Variants in DENND4A observed in about 807,000 individuals in gnomAD.
DENND4A encodes the protein DENN domain containing 4A.
A neutral mutation model predicts 199.3 loss-of-function variants in DENND4A; 70 were observed. The observed-to-expected ratio is 0.35, with a 90% CI of 0.29 to 0.43. The LOEUF (loss-of-function observed/expected upper bound fraction) is 0.43, where lower values mean the gene tolerates loss of function less well. DENND4A is among the 20% of genes least tolerant of loss of function. The probability of loss-of-function intolerance (pLI) is 1.00; values close to 1 mark genes in which losing one functional copy is unlikely to be tolerated. For missense variants in DENND4A, 1,723 were observed against 2,255.8 expected (o/e 0.76, Z 4.78); for synonymous variants, 686 against 766.9 (o/e 0.89, Z 1.74).
At chr15:65,732,178 T>C (rs370811375) in intron 8 of DENND4A, among the ~76,000 whole-genome samples, 7 of 152,228 alleles carry the variant, frequency 4.6e-5, no homozygotes, top group East Asian at 1.9e-4. Flanking sequence ...CTAAAATATT[T>C]AGTGTATGAC....
rs772471946 is a variant in DENND4A at position 65,756,353 on chromosome 15, T to A, written c.98A>T (p.Asp33Val). ...KPLEEEIHFNDACHKVAKPKE... is the reference protein window; with the variant it reads ...KPLEEEIHFNVACHKVAKPKE... Reference sequence around the variant, plus strand: ...TGGTTTAGCTACTTTATGACAAGCATCATTGAAGTGAATTTCTTCTTCTAG... The same window carrying A: ...TGGTTTAGCTACTTTATGACAAGCAACATTGAAGTGAATTTCTTCTTCTAG... The change falls in exon 3 of 33, where the codon GAT becomes GTT. Residue 33 changes from aspartate to valine, a missense_variant. By Grantham distance (152) the Asp-to-Val change is radical. Coordinates refer to ENST00000443035, the MANE Select transcript of DENND4A (RefSeq NM_001320835.1). The A allele has an allele frequency of 6.2e-7, 1 of 1,613,976 alleles. No homozygotes were observed.
intron 1 of DENND4A, among the ~76,000 whole-genome samples, chr15:65,777,971 C>T (rs1431211657): frequency 6.6e-6 from 1 of 151,724 alleles, no homozygotes; most frequent in Non-Finnish European, 1.5e-5. Flanking sequence ...AGGCAGAGGT[C>T]GCAGTGAGCT....
At chr15:65,775,388 C>A (rs1302333329) in intron 1 of DENND4A, among the ~76,000 whole-genome samples, 1 of 150,784 alleles carries the variant, frequency 6.6e-6, no homozygotes, top group African/African-American at 2.4e-5. Flanking sequence ...CGTCTGTAAT[C>A]CCAGCACTTT....
chr15:65,736,394 A>T (rs533691808), intron 7 of DENND4A, among the ~76,000 whole-genome samples: 1 of 151,598 alleles, frequency 6.6e-6, no homozygotes, highest in Admixed American at 6.6e-5. Flanking sequence ...AGAGTAGATG[A>T]GATTACAGGT....
Position 65,741,801 on chromosome 15 carries a change from A to G in DENND4A, c.562-17T>C, listed in dbSNP as rs1416810903. 6.3e-7 allele frequency: 1 copy of G among 1,593,510 alleles called. No individual in the cohort carries two copies. The highest frequency in any genetic ancestry group is 8.6e-7 in the Non-Finnish European group (1 of 1,164,630). On this transcript the variant is annotated splice_polypyrimidine_tract_variant and intron_variant, in intron 4 of 32. Coordinates refer to ENST00000443035, the MANE Select transcript of DENND4A (RefSeq NM_001320835.1). ...TGATCCCCACTGGATTTAAAAAAAT[A>G]GAAATATCATTTAATTTTTAAAAGG...
At chr15:65,694,998 AAAAT>A (rs2077095171) in intron 22 of DENND4A, among the ~76,000 whole-genome samples, 1 of 152,222 alleles carries the variant, frequency 6.6e-6, no homozygotes, top group Non-Finnish European at 1.5e-5. Context: ...AAAGAACAAT[AAAAT>A]AAAGATCAAA....
intron 2 of DENND4A, among the ~76,000 whole-genome samples, chr15:65,757,527 A>G (rs2140697352): frequency 6.6e-6 from 1 of 152,266 alleles, no homozygotes; most frequent in Non-Finnish European, 1.5e-5. Flanking sequence ...TAAAAGACCT[A>G]TCCACTGACA....
intron 14 of DENND4A, among the ~76,000 whole-genome samples, chr15:65,706,992 A>AT (rs565965736): frequency 6.6e-6 from 1 of 152,188 alleles, no homozygotes; most frequent in African/African-American, 2.4e-5. Context: ...AAGAAATAAT[A>AT]TTTTTTAAAT....
chr15:65,771,726 T>C lies in DENND4A; in HGVS notation c.-101-10288A>G, dbSNP rs2077131693. 5 of 1,610,768 alleles carry C rather than the reference T, an allele frequency of 3.1e-6. No individual in the cohort carries two copies. In the South Asian group the frequency reaches 4.4e-5, roughly 14 times the overall value. On this transcript the variant is annotated intron_variant, in intron 1 of 32. Transcript: ENST00000443035. ...ATATTAAACAAGTCTTCTGGAGTTATATCAACTTCACAAAACCTCTATGGA... is the reference window on the plus strand; with the variant it reads ...ATATTAAACAAGTCTTCTGGAGTTACATCAACTTCACAAAACCTCTATGGA...
chr15:65,731,131 G>A (rs1250811561), intron 9 of DENND4A, among the ~76,000 whole-genome samples: 1 of 151,890 alleles, frequency 6.6e-6, no homozygotes, highest in African/African-American at 2.4e-5. Context: ...CCATTTCTCT[G>A]ATGAAAAAAT....
At chr15:65,733,198 T>C (rs2076012156) in intron 7 of DENND4A, among the ~76,000 whole-genome samples, 1 of 152,158 alleles carries the variant, frequency 6.6e-6, no homozygotes, top group African/African-American at 2.4e-5. Flanking sequence ...ACACTTAAGG[T>C]GCTCCAGAAA....
chr15:65,723,485 T>C (rs1367814849), intron 11 of DENND4A, among the ~76,000 whole-genome samples: 1 of 152,166 alleles, frequency 6.6e-6, no homozygotes, highest in African/African-American at 2.4e-5. Flanking sequence ...TAACCTATTA[T>C]ACTAAATTAC....
At chr15:65,675,893 T>A (rs964138831) in intron 24 of DENND4A, among the ~76,000 whole-genome samples, 1 of 152,052 alleles carries the variant, frequency 6.6e-6, no homozygotes, top group African/African-American at 2.4e-5. Flanking sequence ...CATATATGCA[T>A]TATAGCATTA....
At chr15:65,686,137 C>A (rs897742603) in intron 23 of DENND4A, among the ~76,000 whole-genome samples, 1 of 152,126 alleles carries the variant, frequency 6.6e-6, no homozygotes, top group African/African-American at 2.4e-5. Context: ...TTAACAATAC[C>A]GAGTCTTCAA....
intron 23 of DENND4A, among the ~76,000 whole-genome samples, chr15:65,686,909 C>T (rs1038499913): frequency 5.3e-5 from 8 of 152,002 alleles, no homozygotes; most frequent in Admixed American, 1.3e-4. Flanking sequence ...TGCTATGTTG[C>T]CCACGCTGGT....
intron 1 of DENND4A, chr15:65,771,801 C>T (rs1380485617): frequency 3.4e-5 from 55 of 1,613,488 alleles, no homozygotes; most frequent in East Asian, 6.7e-5. Flanking sequence ...CTTCATTGCC[C>T]GTGAGGTCAT....
Position 65,706,104 on chromosome 15 carries a change from G to C in DENND4A, c.2074C>G (p.Pro692Ala). The change falls in exon 15 of 33, where the codon CCT becomes GCT. Residue 692 changes from proline (P) to alanine (A), a missense_variant. By Grantham distance (27) the Pro-to-Ala change is conservative (BLOSUM62 -1). This residue lies in a region of DENND4A where 725 missense variants were observed against 952.9 expected (regional missense o/e 0.76). Coordinates refer to ENST00000443035, the MANE Select transcript of DENND4A (RefSeq NM_001320835.1). ...CCTCTTGAATACCTGTACTGTAAAG[G>C]GGGTTCTTCACCATTGGGTAGGTGG... ...IPHLPNGEEP[P>A]LQYSYNGFPV... The C allele has an allele frequency of 6.3e-7, 1 of 1,598,530 alleles. No individual in the cohort carries two copies. Among genetic ancestry groups the C allele is most frequent in the Admixed American group, 1.7e-5 (1 of 57,638 alleles).
At chr15:65,790,525 T>C (rs985604774) in intron 1 of DENND4A, among the ~76,000 whole-genome samples, 1 of 152,158 alleles carries the variant, frequency 6.6e-6, no homozygotes, top group Non-Finnish European at 1.5e-5. Flanking sequence ...TAGGTCTATG[T>C]TTAATCATTC....
intron 2 of DENND4A, among the ~76,000 whole-genome samples, chr15:65,759,213 T>G (rs1251984759): frequency 1.3e-5 from 2 of 152,186 alleles, no homozygotes; most frequent in Non-Finnish European, 2.9e-5. Flanking sequence ...GCAAGGTGGC[T>G]CACGCCTGTA....
Sources: allele counts gnomAD v4.1 joint callset (sites outside exome capture counted in the v4.1 genomes callset), GRCh38; gene constraint gnomAD v4.1.1; regional missense constraint gnomAD v4.1.1; transcripts MANE v1.5; gene names NCBI Gene and HGNC (gene_info 2026-07-23, HGNC 2026-07-21).